The following SLC22A5 variants were observed in gnomAD, a reference collection of about 807,000 sequenced individuals.
SLC22A5 encodes the protein solute carrier family 22 member 5.
Under a neutral mutation model 56.7 loss-of-function variants are expected in SLC22A5, and 44 were observed. The observed-to-expected ratio is 0.78, with a 90% confidence interval of 0.61 to 1.00. The LOEUF (loss-of-function observed/expected upper bound fraction) is 1.00. Among genes scored for constraint, SLC22A5 ranks in the 50% least tolerant of loss-of-function variants. The pLI is 0.00. For missense variants in SLC22A5, 675 were observed against 723.0 expected, an observed-to-expected ratio of 0.93 and a Z score of 0.76; for synonymous variants, 278 against 292.1, an observed-to-expected ratio of 0.95 and a Z score of 0.49.
Position 132,369,952 on chromosome 5 carries a change from C to T in SLC22A5, c.-21C>T, listed in dbSNP as rs780651884. ...GCGTTCCCCGACCCCAGGCCGCGCT[C>T]TGTGGGCCTCTGAGGGCGGCATGCG... On this transcript the variant is annotated 5_prime_UTR_variant, in exon 1 of 10. Coordinates refer to ENST00000245407, the MANE Select transcript of SLC22A5 (RefSeq NM_003060.4). 1.9e-6 allele frequency: 3 copies of T among 1,612,036 alleles called. No individual in the cohort carries two copies. In the Admixed American group the frequency reaches 5.0e-5, roughly 27 times the overall value.
Position 132,370,150 on chromosome 5 carries a change from A to G in SLC22A5, c.178A>G (p.Ser60Gly). The stretch of plus-strand genomic sequence containing the variant: ...GGTGCCGGACGCCGCGAACCTGAGC[A>G]GCGCCTGGCGCAACCACACTGTCCC... ...CRVPDAANLS[S>G]AWRNHTVPLR... Residue 60 changes from serine (S) to glycine (G), a missense_variant, in exon 1 of 10, where the codon AGC (serine) becomes GGC (glycine). Coordinates refer to ENST00000245407, the MANE Select transcript of SLC22A5 (RefSeq NM_003060.4). 1.2e-6 allele frequency: 2 copies of G among 1,609,144 alleles called. No homozygotes were observed. The highest frequency in any genetic ancestry group is 1.7e-6 in the Non-Finnish European group (2 of 1,178,186).
chr5:132,387,267 C>G, intron 5 of SLC22A5, 116 bp downstream of exon 5: 1 of 1,235,304 alleles, frequency 8.1e-7, no homozygotes, highest in South Asian at 1.2e-5. Flanking sequence ...TCCGCCCAAG[C>G]CCCAACTGCC....
chr5:132,387,277 C>T (rs1019933683), intron 5 of SLC22A5, 126 bp downstream of exon 5: 6 of 1,104,360 alleles, frequency 5.4e-6, no homozygotes, highest in Non-Finnish European at 5.5e-6. Flanking sequence ...CCCCAACTGC[C>T]CATTCCCCCC....
At chr5:132,389,281 A>C in intron 6 of SLC22A5, 1 of 440,964 alleles carries the variant, frequency 2.3e-6, no homozygotes, top group Non-Finnish European at 4.2e-6. Context: ...TCCAGATCTT[A>C]AGATGAATCC....
chr5:132,382,848 C>T (rs1337366190), intron 2 of SLC22A5: 1 of 152,098 alleles, frequency 6.6e-6, no homozygotes, highest in Non-Finnish European at 1.5e-5. Context: ...TATCCAAGTG[C>T]CCTCTATAAT....
At chr5:132,383,875 T>C (rs1752431931) in intron 2 of SLC22A5, 1 of 479,426 alleles carries the variant, frequency 2.1e-6, no homozygotes, top group Non-Finnish European at 3.8e-6. Context: ...ATTAAATAAT[T>C]GATGTATTTC....
At position 132,392,339 on chromosome 5, in the gene SLC22A5, A is replaced by G. The variant is rs554847851; in HGVS notation, c.1268-94A>G. The G allele has an allele frequency of 7.5e-5, 92 of 1,218,740 alleles. No individual in the cohort carries two copies. The South Asian group carries it at 1.1e-3, about 14-fold the overall frequency. The allele number at this position is 1,218,740 out of a possible 1,614,324, so 75.5% of individuals were successfully genotyped here. ...GGAAGTGATAGAAACTGACTCCCCA[A>G]AAAATTTGGGAAGAAAGTATGTTTG... On this transcript the variant is annotated intron_variant, in intron 7 of 9. Coordinates refer to ENST00000245407, the MANE Select transcript of SLC22A5 (RefSeq NM_003060.4).
rs376878257 is a variant in SLC22A5, at chr5:132,391,284, C to T, written c.1267+380C>T. Among the ~76,000 whole-genome samples the T allele has an allele frequency of 2.7e-4, 41 of 152,172 alleles. 1 individual carries two copies. The South Asian group carries it at 5.2e-3, about 19-fold the overall frequency. On this transcript the variant is annotated intron_variant, in intron 7 of 9. Coordinates refer to ENST00000245407, the MANE Select transcript of SLC22A5 (RefSeq NM_003060.4). Reference sequence around the variant, plus strand: ...CCTACCATGGGCTGGGCACTGTGCTCGGTGATAACGATACACAAGAAAACA... The same window carrying T: ...CCTACCATGGGCTGGGCACTGTGCTTGGTGATAACGATACACAAGAAAACA...
chr5:132,392,324 G>A (rs1433931847), intron 7 of SLC22A5, 109 bp from the exon 8 acceptor site: 1 of 980,944 alleles, frequency 1.0e-6, no homozygotes, highest in Admixed American at 1.7e-5. Context: ...GGAAGTGATA[G>A]AAACTGACTC....
chr5:132,378,027 AG>A lies in SLC22A5; in HGVS notation c.394-348del, dbSNP rs1450418412. The A allele has an allele frequency of 2.8e-6, 4 of 1,409,006 alleles. No individual in the cohort carries two copies. The East Asian group carries it at 1.0e-4, about 35-fold the overall frequency. The allele number at this position is 1,409,006 out of a possible 1,614,324, so 87.3% of individuals were successfully genotyped here. On this transcript the variant is annotated intron_variant, in intron 1 of 9. Coordinates refer to ENST00000245407, the MANE Select transcript of SLC22A5 (RefSeq NM_003060.4). The stretch of plus-strand genomic sequence containing the variant: ...CCAATGGCCTGAACCCCACTGAGCG[AG>A]GGTGCCCTGCCTCTTCCACAGCCCT...
At chr5:132,393,560 T>C in intron 8 of SLC22A5, 116 bp from the exon 9 acceptor site, 1 of 1,237,126 alleles carries the variant, frequency 8.1e-7, no homozygotes. Flanking sequence ...CTGTGAGAGA[T>C]GTGAGACCAA....
intron 1 of SLC22A5, among the ~76,000 whole-genome samples, chr5:132,375,408 G>A (rs4646301): frequency 0.077 from 11,691 of 152,270 alleles, 579 homozygotes; most frequent in East Asian, 0.28. Flanking sequence ...CTAGCAGCAT[G>A]TCTGACTGTT....
chr5:132,374,404 G>A (rs1361398633), intron 1 of SLC22A5, among the ~76,000 whole-genome samples: 1 of 152,034 alleles, frequency 6.6e-6, no homozygotes, highest in African/African-American at 2.4e-5. Flanking sequence ...TAGAAGATGG[G>A]AGAGCCCTCA....
chr5:132,377,534 C>T (rs274570), intron 1 of SLC22A5: 43,599 of 152,242 alleles, frequency 0.29, 6,964 homozygotes, highest in South Asian at 0.56. Flanking sequence ...TAGGCAGGCG[C>T]AGCCAGATCC....
chr5:132,387,721 A>C, intron 5 of SLC22A5: 1 of 174,370 alleles, frequency 5.7e-6, no homozygotes, highest in Non-Finnish European at 1.3e-5. Context: ...TCTTCCCCCT[A>C]CCCCACCCCT....
chr5:132,370,760 T>G (rs958491617), intron 1 of SLC22A5, among the ~76,000 whole-genome samples: 1 of 152,210 alleles, frequency 6.6e-6, no homozygotes, highest in African/African-American at 2.4e-5. Context: ...CTCTAGTCTC[T>G]TGATTTCTTT....
At chr5:132,378,068 T>A in intron 1 of SLC22A5, 1 of 1,525,886 alleles carries the variant, frequency 6.6e-7, no homozygotes, top group South Asian at 1.3e-5. Context: ...TCCGCTCAGA[T>A]TTTTAGGAGC....
chr5:132,390,731 C>T lies in SLC22A5; in HGVS notation c.1094C>T (p.Thr365Ile), dbSNP rs761648900. 9.3e-6 allele frequency: 15 copies of T among 1,614,246 alleles called. No homozygotes were observed. Among genetic ancestry groups the T allele is most frequent in the Non-Finnish European group, 1.2e-5 (14 of 1,180,028 alleles). The change falls in exon 7 of 10, where the codon ACT (threonine) becomes ATT (isoleucine). Residue 365 changes from threonine (T) to isoleucine (I), a missense_variant. By Grantham distance (89) the Thr-to-Ile change is moderately conservative. Transcript: ENST00000245407. ...GGCTATTTTGGGCTTTCGCTTGATACTCCTAACTTGCATGGGGACATCTTT... is the reference window on the plus strand; with the variant it reads ...GGCTATTTTGGGCTTTCGCTTGATATTCCTAACTTGCATGGGGACATCTTT... ...SVGYFGLSLD[T>I]PNLHGDIFVN... is the part of the protein sequence containing the mutation.
At chr5:132,381,377 T>C (rs918995806) in intron 2 of SLC22A5, 1 of 152,260 alleles carries the variant, frequency 6.6e-6, no homozygotes, top group African/African-American at 2.4e-5. Context: ...AGTATGGCTG[T>C]TCTGCCTGCA....
Sources: allele counts gnomAD v4.1 joint callset (sites outside exome capture counted in the v4.1 genomes callset), GRCh38; gene constraint gnomAD v4.1.1; transcripts MANE v1.5; gene names NCBI Gene and HGNC (gene_info 2026-07-23, HGNC 2026-07-21).